The following SLA variants were observed in gnomAD, a reference collection of about 807,000 sequenced individuals.
SLA encodes Src like adaptor.
Under a neutral mutation model 30.3 loss-of-function variants are expected in SLA, and 16 were observed. The observed-to-expected ratio is 0.53, with a 90% CI of 0.36 to 0.80. The LOEUF (loss-of-function observed/expected upper bound fraction) is 0.80. Among genes scored for constraint, SLA ranks in the 30% least tolerant of loss-of-function variants. The probability of loss-of-function intolerance (pLI) is 0.01; values close to 1 mark genes in which losing one functional copy is unlikely to be tolerated. For missense variants in SLA, 310 were observed against 345.2 expected (o/e 0.90, Z 0.81); for synonymous variants, 143 against 137.8 (o/e 1.04, Z -0.26).
intron 6 of SLA, among the ~76,000 whole-genome samples, chr8:133,046,749 G>T (rs531590904): frequency 5.9e-5 from 9 of 151,794 alleles, no homozygotes; most frequent in African/African-American, 1.9e-4. Context: ...CTTTTGCATT[G>T]ATCTTTCTGT....
In SLA at chr8:133,094,482, C is replaced by T. The variant is rs2739179; in HGVS notation, c.-319+8071G>A. The T allele has an allele frequency of 9.7e-4, 170 of 176,120 alleles. 5 individuals are homozygous for T. The South Asian group carries it at 0.019, about 19-fold the overall frequency. The allele number at this position is 176,120 out of a possible 1,614,324, so 10.9% of individuals were successfully genotyped here. A position where few individuals can be genotyped will look rare whatever the true frequency, so the allele number is the denominator to read the frequency against. On this transcript the variant is annotated intron_variant, in intron 1 of 8. Coordinates refer to ENST00000338087, the MANE Select transcript of SLA (RefSeq NM_001045556.3). ...GTCTCGATCTCCTGACCTTGTGATC[C>T]GCCCACCTCAGCCTCCCAAAGTGAG...
intron 2 of SLA, among the ~76,000 whole-genome samples, chr8:133,068,566 C>T (rs890234475): frequency 6.6e-6 from 1 of 152,122 alleles, no homozygotes; most frequent in African/African-American, 2.4e-5. Context: ...TCATATGTGC[C>T]TTCCTGGGTG....
At position 133,074,862 on chromosome 8, in the gene SLA, C is replaced by T. The variant is rs1181052122; in HGVS notation, c.-50G>A. 1.1e-5 allele frequency: 11 copies of T among 985,472 alleles called. No individual in the cohort carries two copies. In the South Asian group the frequency reaches 1.9e-4, roughly 17 times the overall value. The allele number at this position is 985,472 out of a possible 1,614,324, so 61.0% of individuals were successfully genotyped here. ...CATACTCCCAAAATACCTTCACACA[C>T]TGGGCATGACTCCTGTGGGAGCTGT... On this transcript the variant is annotated 5_prime_UTR_variant, in exon 2 of 9. The change creates a new upstream start codon in the 5' untranslated region. Coordinates refer to ENST00000338087, the MANE Select transcript of SLA (RefSeq NM_001045556.3).
chr8:133,058,945 A>G (rs924496758), intron 3 of SLA: 1 of 475,070 alleles, frequency 2.1e-6, no homozygotes, highest in Non-Finnish European at 4.2e-6. Context: ...GGGTCTTGGC[A>G]TGCTGGCTTG....
chr8:133,041,783 AG>A (rs1838289556), intron 7 of SLA, among the ~76,000 whole-genome samples: 1 of 133,798 alleles, frequency 7.5e-6, no homozygotes, highest in Non-Finnish European at 1.5e-5. Context: ...GCTTGTGGTC[AG>A]TTTTTTTTTT....
At chr8:133,062,294 G>T (rs1009606820) in intron 2 of SLA, among the ~76,000 whole-genome samples, 2 of 152,238 alleles carry the variant, frequency 1.3e-5, no homozygotes, top group African/African-American at 2.4e-5. Flanking sequence ...AGCTGGGCAG[G>T]TTCTAACAGC....
chr8:133,053,915 T>A (rs1472018037), intron 3 of SLA, among the ~76,000 whole-genome samples: 1 of 152,148 alleles, frequency 6.6e-6, no homozygotes, highest in East Asian at 1.9e-4. Context: ...AAGGGTCAGA[T>A]AACCTGTGCC....
At chr8:133,102,445 T>A in intron 1 of SLA, 108 bp downstream of exon 1, 1 of 930,058 alleles carries the variant, frequency 1.1e-6, no homozygotes. Flanking sequence ...AGACGGAGGG[T>A]GGGTACAGGA....
At chr8:133,097,764 G>A (rs1482314292) in intron 1 of SLA, among the ~76,000 whole-genome samples, 2 of 152,092 alleles carry the variant, frequency 1.3e-5, no homozygotes, top group African/African-American at 4.8e-5. Context: ...TACTATTGCT[G>A]TATATATATA....
chr8:133,040,265 C>T (rs1837967647), intron 7 of SLA, 135 bp from the exon 8 acceptor site: 9 of 942,048 alleles, frequency 9.6e-6, no homozygotes, highest in Admixed American at 7.6e-5. Context: ...TTCAAAGGGG[C>T]ATGGTAGGTG....
intron 1 of SLA, chr8:133,095,115 A>G (rs1293767441): frequency 6.2e-7 from 1 of 1,614,220 alleles, no homozygotes; most frequent in Non-Finnish European, 8.5e-7. Context: ...TTGCTTTGGC[A>G]AAGGAGGTCA....
chr8:133,096,061 G>T, intron 1 of SLA: 2 of 956,074 alleles, frequency 2.1e-6, no homozygotes, highest in South Asian at 2.8e-5. Context: ...ATGGTGTCCT[G>T]CCTGCCAGTT....
At chr8:133,056,420 A>G (rs1841452759) in intron 3 of SLA, among the ~76,000 whole-genome samples, 1 of 152,216 alleles carries the variant, frequency 6.6e-6, no homozygotes, top group Non-Finnish European at 1.5e-5. Flanking sequence ...CATCTGGGTC[A>G]TTAAATCTGG....
intron 7 of SLA, among the ~76,000 whole-genome samples, chr8:133,042,245 C>T (rs991960914): frequency 6.6e-6 from 1 of 152,186 alleles, no homozygotes; most frequent in African/African-American, 2.4e-5. Context: ...CATCCTCCAG[C>T]TGTCTCTTGG....
At chr8:133,043,940 G>T (rs892162024) in intron 7 of SLA, among the ~76,000 whole-genome samples, 1 of 152,190 alleles carries the variant, frequency 6.6e-6, no homozygotes, top group Non-Finnish European at 1.5e-5. Context: ...GCAATGTTCC[G>T]CTGGGTAAAA....
chr8:133,048,009 G>A (rs1839782094), intron 5 of SLA, 76 bp from the exon 6 acceptor site: 5 of 806,664 alleles, frequency 6.2e-6, no homozygotes, highest in Admixed American at 4.3e-5. Flanking sequence ...GCCACCCACC[G>A]TACTAAGCAC....
intron 2 of SLA, among the ~76,000 whole-genome samples, chr8:133,064,582 A>G (rs968596704): frequency 2.0e-5 from 3 of 152,212 alleles, no homozygotes; most frequent in Non-Finnish European, 2.9e-5. Context: ...TCTCCAGCGT[A>G]AGGAACTCTG....
At chr8:133,090,537 C>T (rs1847330414) in intron 1 of SLA, among the ~76,000 whole-genome samples, 1 of 152,214 alleles carries the variant, frequency 6.6e-6, no homozygotes, top group Non-Finnish European at 1.5e-5. Flanking sequence ...TCAGACAGCG[C>T]AAGGGACTTG....
intron 3 of SLA, chr8:133,059,010 G>T (rs1452026713): frequency 2.2e-6 from 1 of 461,824 alleles, no homozygotes; most frequent in Non-Finnish European, 4.3e-6. Flanking sequence ...TTTGGAAGCA[G>T]TGAGAAGGCT....
Sources: gnomAD v4.1 joint callset for allele counts (sites outside exome capture counted in the v4.1 genomes callset) on GRCh38, gnomAD v4.1.1 for gene constraint, MANE v1.5 for transcripts, NCBI Gene and HGNC (gene_info 2026-07-23, HGNC 2026-07-21) for gene names.